GRB2: variants seen among roughly 807,000 people sequenced by gnomAD.
The protein encoded by GRB2 is growth factor receptor-bound protein 2.
A neutral mutation model predicts 27.4 loss-of-function variants in GRB2; 2 were observed. That is an observed-to-expected ratio of 0.07 (90% CI 0.03 to 0.23). The LOEUF (loss-of-function observed/expected upper bound fraction) is 0.23. Among genes scored for constraint, GRB2 ranks in the 10% least tolerant of loss-of-function variants. GRB2 has a pLI of 1.00. For missense variants in GRB2, 102 were observed against 282.4 expected (o/e 0.36, Z 4.58); for synonymous variants, 94 against 99.6 (o/e 0.94, Z 0.33).
intron 2 of GRB2, among the ~76,000 whole-genome samples, chr17:75,366,863 G>C (rs1407927416): frequency 6.6e-6 from 1 of 151,712 alleles, no homozygotes; most frequent in Admixed American, 6.6e-5. Context: ...ATAAGCCAAT[G>C]AAAACGAAAA....
At chr17:75,357,771 A>T (rs2078743023) in intron 2 of GRB2, among the ~76,000 whole-genome samples, 1 of 152,176 alleles carries the variant, frequency 6.6e-6, no homozygotes, top group East Asian at 1.9e-4. Context: ...AAATACAAAA[A>T]TTAGCTGGGC....
intron 2 of GRB2, chr17:75,387,930 A>G (rs2078975117): frequency 6.6e-6 from 1 of 152,240 alleles, no homozygotes; most frequent in Admixed American, 6.5e-5. Context: ...AACAGGAGGA[A>G]GAATCATCTT....
At chr17:75,325,488 G>C (rs2078492644) in intron 4 of GRB2, among the ~76,000 whole-genome samples, 1 of 152,186 alleles carries the variant, frequency 6.6e-6, no homozygotes, top group Non-Finnish European at 1.5e-5. Context: ...GCCTTCTTAA[G>C]TGACTGTGAG....
intron 2 of GRB2, among the ~76,000 whole-genome samples, chr17:75,378,642 C>G (rs2078909502): frequency 1.3e-5 from 2 of 152,158 alleles, no homozygotes; most frequent in African/African-American, 2.4e-5. Flanking sequence ...GGGTGTAGTT[C>G]TAGTACAAGC....
intron 2 of GRB2, among the ~76,000 whole-genome samples, chr17:75,334,589 G>A (rs1294678237): frequency 6.6e-6 from 1 of 151,952 alleles, no homozygotes; most frequent in African/African-American, 2.4e-5. Context: ...CTACCTATAA[G>A]TTTAATTTGT....
At chr17:75,400,579 A>G (rs2079057316) in intron 1 of GRB2, among the ~76,000 whole-genome samples, 1 of 151,718 alleles carries the variant, frequency 6.6e-6, no homozygotes, top group Non-Finnish European at 1.5e-5. Flanking sequence ...CGTTCAAGCG[A>G]TTCTCCTTGC....
intron 2 of GRB2, among the ~76,000 whole-genome samples, chr17:75,387,988 C>A (rs1225521204): frequency 6.6e-6 from 1 of 152,148 alleles, no homozygotes; most frequent in Non-Finnish European, 1.5e-5. Flanking sequence ...AAAGTTCATT[C>A]TCAGCACCTA....
intron 2 of GRB2, among the ~76,000 whole-genome samples, chr17:75,369,029 A>G (rs2078838830): frequency 6.6e-6 from 1 of 152,210 alleles, no homozygotes; most frequent in African/African-American, 2.4e-5. Context: ...GACACAAAGA[A>G]GTTTAAAAAA....
Position 75,323,298 on chromosome 17 carries a change from G to GA in GRB2, c.300-1472dup, listed in dbSNP as rs576818741. On this transcript the variant is annotated intron_variant, in intron 4 of 5. Coordinates refer to ENST00000316804, the MANE Select transcript of GRB2 (RefSeq NM_002086.5). ...CTCAGCACAAGATGCCTCGCATTTG[G>GA]AAAAAATACTGCTTTACATGTTAAG... 2.6e-5 allele frequency among the ~76,000 whole-genome samples: 4 copies of GA among 152,094 alleles called. No homozygotes were observed. In the East Asian group the frequency reaches 7.7e-4, roughly 29 times the overall value.
At chr17:75,404,612 G>A (rs1440121389) in intron 1 of GRB2, among the ~76,000 whole-genome samples, 2 of 152,044 alleles carry the variant, frequency 1.3e-5, no homozygotes, top group East Asian at 3.8e-4. Context: ...CTAGTGGAAA[G>A]GACAGAAGCA....
At chr17:75,335,668 A>C (rs1322236915) in intron 2 of GRB2, among the ~76,000 whole-genome samples, 1 of 152,190 alleles carries the variant, frequency 6.6e-6, no homozygotes, top group Non-Finnish European at 1.5e-5. Context: ...GGATAAGGTG[A>C]TAAATCCTGA....
intron 2 of GRB2, among the ~76,000 whole-genome samples, chr17:75,382,855 C>A (rs1329687178): frequency 6.6e-6 from 1 of 152,050 alleles, no homozygotes; most frequent in Non-Finnish European, 1.5e-5. Context: ...ACTACAGGCG[C>A]CTGCCACCAC....
intron 3 of GRB2, among the ~76,000 whole-genome samples, chr17:75,332,283 T>C (rs1046514352): frequency 6.6e-5 from 10 of 152,170 alleles, no homozygotes; most frequent in Non-Finnish European, 1.3e-4. Context: ...TGAGAACTAT[T>C]AGATGCCAAG....
intron 2 of GRB2, chr17:75,372,515 G>A (rs78380753): frequency 7.2e-5 from 11 of 152,196 alleles, no homozygotes; most frequent in South Asian, 2.1e-4. Flanking sequence ...GGGAAGACAC[G>A]ATTTCCTAGC....
At chr17:75,370,424 T>C (rs2078848119) in intron 2 of GRB2, among the ~76,000 whole-genome samples, 1 of 152,242 alleles carries the variant, frequency 6.6e-6, no homozygotes, top group South Asian at 2.1e-4. Flanking sequence ...CAATATCTTG[T>C]TCGGTTTGGA....
At chr17:75,359,058 C>T (rs571896535) in intron 2 of GRB2, among the ~76,000 whole-genome samples, 4 of 142,282 alleles carry the variant, frequency 2.8e-5, no homozygotes, top group African/African-American at 5.2e-5. Context: ...ATTTAAAAAA[C>T]GCAAAAATTA....
At chr17:75,349,560 G>A (rs1272766441) in intron 2 of GRB2, among the ~76,000 whole-genome samples, 1 of 139,310 alleles carries the variant, frequency 7.2e-6, no homozygotes, top group Non-Finnish European at 1.5e-5. Context: ...GCCCAGGCTG[G>A]ACTGCAGTGA....
At position 75,323,444 on chromosome 17, in the gene GRB2, A is replaced by G. The variant is rs563272454; in HGVS notation, c.300-1617T>C. The stretch of plus-strand genomic sequence containing the variant: ...TGGTTTCTAAGAGCCCAGGGCCCCA[A>G]TAATGAGCAGTGTTTCAAATCACAG... On this transcript the variant is annotated intron_variant, in intron 4 of 5. Transcript: ENST00000316804. 7.2e-5 allele frequency among the ~76,000 whole-genome samples: 11 copies of G among 152,326 alleles called. No individual in the cohort carries two copies. The East Asian group carries it at 1.3e-3, about 19-fold the overall frequency.
rs1254335285 is a variant in GRB2, at chr17:75,377,074, T to C, written c.78+16477A>G. On this transcript the variant is annotated intron_variant, in intron 2 of 5. Coordinates refer to ENST00000316804, the MANE Select transcript of GRB2 (RefSeq NM_002086.5). Reference sequence around the variant, plus strand: ...ACTCACATCTATAATCCGAGCTACTTGGGAGGCTGAGATGGGAGGATCACT... The same window carrying C: ...ACTCACATCTATAATCCGAGCTACTCGGGAGGCTGAGATGGGAGGATCACT... Among the ~76,000 whole-genome samples, 4 of 150,296 alleles carry C rather than the reference T, an allele frequency of 2.7e-5. No homozygotes were observed. The South Asian group carries it at 8.5e-4, about 32-fold the overall frequency.
Sources: gnomAD v4.1 joint callset for allele counts (sites outside exome capture counted in the v4.1 genomes callset) on GRCh38, gnomAD v4.1.1 for gene constraint, MANE v1.5 for transcripts, NCBI Gene and HGNC (gene_info 2026-07-23, HGNC 2026-07-21) for gene names.